Variants in MAMLD1 observed in about 807,000 individuals in gnomAD.
MAMLD1 encodes the protein mastermind like domain containing 1, also known as mastermind-like domain-containing protein 1.
Under a neutral mutation model 45.0 loss-of-function variants are expected in MAMLD1, and 14 were observed. That is an observed-to-expected ratio of 0.31 (90% CI 0.21 to 0.49). The LOEUF is 0.49. MAMLD1 is among the 20% of genes least tolerant of loss of function. The pLI, the probability that MAMLD1 is intolerant of heterozygous loss-of-function variation, is 0.99. For synonymous variants in MAMLD1, 254 were observed against 247.8 expected, an observed-to-expected ratio of 1.02 and a Z score of -0.24; for missense variants, 543 against 603.6, an observed-to-expected ratio of 0.90 and a Z score of 1.05.
At chrX:150,437,261 G>A (rs141971053) in intron 1 of MAMLD1, among the ~76,000 whole-genome samples, 2,194 of 111,760 alleles carry the variant, frequency 0.02, 17 homozygotes, top group Non-Finnish European at 0.032. Flanking sequence ...GGTGGGTGCC[G>A]GTAGGTGCAG....
intron 5 of MAMLD1, among the ~76,000 whole-genome samples, chrX:150,479,769 C>T (rs1316175119): frequency 2.7e-5 from 3 of 112,017 alleles, no homozygotes; most frequent in Non-Finnish European, 1.9e-5. Context: ...GCGCACACAA[C>T]AAACATGAAA....
At position 150,512,638 on chromosome X, in the gene MAMLD1, G is replaced by A. The variant is rs781809090; in HGVS notation, c.*679G>A. 1.5e-5 allele frequency: 17 copies of A among 1,147,594 alleles called. No individual in the cohort carries two copies. Among genetic ancestry groups the A allele is most frequent in the East Asian group, 1.3e-4 (4 of 30,610 alleles). The allele number at this position is 1,147,594 out of a possible 1,213,427, so 94.6% of individuals were successfully genotyped here. ...GCAGCCAGAGCCTCAGGCAGAGCCC[G>A]GTACAGGGCCCGGTGCCTGTAGCAA... On this transcript the variant is annotated 3_prime_UTR_variant, in exon 8 of 8. Transcript: ENST00000370401.
At chrX:150,423,614 AAGAGAG>A (rs138772700) in intron 1 of MAMLD1, among the ~76,000 whole-genome samples, 136 of 101,508 alleles carry the variant, frequency 1.3e-3, no homozygotes, top group East Asian at 0.012. Context: ...AAGAGAGAGA[AAGAGAG>A]AGAGAGAGAG....
chrX:150,419,346 TG>T (rs1237205300), intron 1 of MAMLD1, among the ~76,000 whole-genome samples: 3 of 104,408 alleles, frequency 2.9e-5, no homozygotes, highest in Non-Finnish European at 3.9e-5. Context: ...GCACATGAGA[TG>T]GGTTTCCTGA....
chrX:150,442,049 ATTT>A (rs781870032), intron 1 of MAMLD1, among the ~76,000 whole-genome samples: 2 of 95,541 alleles, frequency 2.1e-5, no homozygotes, highest in Non-Finnish European at 4.3e-5. Context: ...TGTCGCTGGT[ATTT>A]TTTTTTTTTT....
Position 150,371,126 on chromosome X carries a change from T to C in MAMLD1, c.-64+7596T>C, listed in dbSNP as rs1423035394. Among the ~76,000 whole-genome samples the C allele has an allele frequency of 1.3e-4, 14 of 111,247 alleles. No homozygotes were observed. The Admixed American group carries it at 1.3e-3, about 11-fold the overall frequency. ...AGTCCTGCCCGGCTGCCCTCTGACC[T>C]GGACACAGCCAGTGCCCCTTTCTGC... On this transcript the variant is annotated intron_variant, in intron 1 of 7. Transcript: ENST00000370401.
chrX:150,417,836 C>T (rs111492307), intron 1 of MAMLD1, among the ~76,000 whole-genome samples: 9 of 109,423 alleles, frequency 8.2e-5, no homozygotes, highest in Non-Finnish European at 1.5e-4. Context: ...TCATGTCCTT[C>T]ACCCACTTTT....
chrX:150,495,446 T>C (rs1557408230), intron 5 of MAMLD1, among the ~76,000 whole-genome samples: 1 of 112,112 alleles, frequency 8.9e-6, no homozygotes, highest in African/African-American at 3.2e-5. Context: ...AGAAGAAATA[T>C]GGCCAAAGAG....
At chrX:150,504,554 G>T in intron 6 of MAMLD1, 1 of 534,835 alleles carries the variant, frequency 1.9e-6, no homozygotes, top group Non-Finnish European at 2.3e-6. Context: ...TGAAACCAGA[G>T]AAATCTTGTC....
At chrX:150,390,750 A>G (rs1034981223) in intron 1 of MAMLD1, among the ~76,000 whole-genome samples, 11 of 112,330 alleles carry the variant, frequency 9.8e-5, no homozygotes, top group African/African-American at 3.6e-4. Flanking sequence ...ATGTTTGCCT[A>G]TTCTGAATTT....
chrX:150,417,623 C>G lies in MAMLD1; in HGVS notation c.-63-27831C>G, dbSNP rs111754783. ...ATGGTTGAACTAGTTTACAGTCCCACCAACAGTGTAAAAGTGTTCCTATTT... is the reference window on the plus strand; with the variant it reads ...ATGGTTGAACTAGTTTACAGTCCCAGCAACAGTGTAAAAGTGTTCCTATTT... On this transcript the variant is annotated intron_variant, in intron 1 of 7. Coordinates refer to ENST00000370401, the MANE Select transcript of MAMLD1 (RefSeq NM_005491.5). 3.4e-4 allele frequency among the ~76,000 whole-genome samples: 36 copies of G among 107,200 alleles called. 2 individuals carry two copies. The highest frequency in any genetic ancestry group is 8.9e-4 in the East Asian group (3 of 3,371). 93.1% of individuals were successfully genotyped at this position (107,200 alleles called of 115,157 possible).
intron 5 of MAMLD1, among the ~76,000 whole-genome samples, chrX:150,495,735 C>T (rs1348097979): frequency 8.9e-6 from 1 of 112,253 alleles, no homozygotes; most frequent in Admixed American, 9.4e-5. Flanking sequence ...TCCAGCCCAA[C>T]CCCATTACGC....
At chrX:150,397,892 C>A (rs140354018) in intron 1 of MAMLD1, among the ~76,000 whole-genome samples, 1 of 111,195 alleles carries the variant, frequency 9.0e-6, no homozygotes, top group Non-Finnish European at 1.9e-5. Context: ...CACTATTCAA[C>A]ATCCCCATTA....
chrX:150,499,894 A>G (rs2037500069), intron 5 of MAMLD1, among the ~76,000 whole-genome samples: 2 of 111,890 alleles, frequency 1.8e-5, no homozygotes, highest in Non-Finnish European at 3.8e-5. Flanking sequence ...AGATGAGTAG[A>G]TGTGCTAAAA....
chrX:150,390,012 A>C lies in MAMLD1; in HGVS notation c.-64+26482A>C, dbSNP rs187017792. ...TTGTTTTACTGTCAACTTACCTATG[A>C]TGTTGTATTTAGAGTAATAGAATAG... On this transcript the variant is annotated intron_variant, in intron 1 of 7. Transcript: ENST00000370401. Among the ~76,000 whole-genome samples the C allele has an allele frequency of 5.3e-3, 589 of 111,923 alleles. 2 individuals are homozygous for C. Among genetic ancestry groups the C allele is most frequent in the African/African-American group, 0.018 (565 of 30,825 alleles).
intron 1 of MAMLD1, among the ~76,000 whole-genome samples, chrX:150,382,174 G>A (rs782355168): frequency 3.6e-4 from 40 of 111,337 alleles, no homozygotes; most frequent in African/African-American, 1.2e-3. Flanking sequence ...GTGAGGTTTA[G>A]GTTGATGTTT....
intron 1 of MAMLD1, among the ~76,000 whole-genome samples, chrX:150,390,894 C>A (rs181628030): frequency 2.7e-5 from 3 of 111,796 alleles, no homozygotes; most frequent in African/African-American, 6.5e-5. Context: ...CTGAAAATAC[C>A]TTTATTTCCC....
In MAMLD1 at chrX:150,405,518, T is replaced by A. The variant is rs1557402636; in HGVS notation, c.-63-39936T>A. On this transcript the variant is annotated intron_variant, in intron 1 of 7. Transcript: ENST00000370401. ...TGGGCAGTTTTTCTGGGCACTCACTTCCAGATCCTGGAGCCCACCTGTGCA... is the reference window on the plus strand; with the variant it reads ...TGGGCAGTTTTTCTGGGCACTCACTACCAGATCCTGGAGCCCACCTGTGCA... Among the ~76,000 whole-genome samples the A allele has an allele frequency of 3.6e-3, 406 of 111,533 alleles. 2 individuals carry two copies. The highest frequency in any genetic ancestry group is 6.9e-3 in the Non-Finnish European group (364 of 53,045).
intron 1 of MAMLD1, among the ~76,000 whole-genome samples, chrX:150,364,847 C>A (rs782633936): frequency 8.0e-5 from 9 of 113,187 alleles, no homozygotes; most frequent in African/African-American, 2.2e-4. Context: ...GCGGGAATTG[C>A]GCCGCCCCCA....
Sources: allele counts gnomAD v4.1 joint callset (sites outside exome capture counted in the v4.1 genomes callset), GRCh38; gene constraint gnomAD v4.1.1; transcripts MANE v1.5; gene names NCBI Gene and HGNC (gene_info 2026-07-23, HGNC 2026-07-21).